SLC1A3: variants seen among roughly 807,000 people sequenced by gnomAD.
SLC1A3 encodes the protein solute carrier family 1 member 3.
Under a neutral mutation model 48.1 loss-of-function variants are expected in SLC1A3, and 21 were observed. The ratio of observed to expected loss-of-function variants is 0.44; its 90% CI spans 0.31 to 0.63. The LOEUF (loss-of-function observed/expected upper bound fraction) is 0.63. Ranked by LOEUF, SLC1A3 falls within the 20% of genes least tolerant of loss-of-function variation. The probability of loss-of-function intolerance (pLI) is 0.08; values close to 1 mark genes in which losing one functional copy is unlikely to be tolerated. For missense variants in SLC1A3, 546 were observed against 689.0 expected (o/e 0.79, Z 2.32); for synonymous variants, 239 against 251.4 (o/e 0.95, Z 0.47).
rs1422798593 is a variant in SLC1A3, at chr5:36,679,632, C to T, written c.866C>T (p.Ala289Val). ...MRLVAVIMWY[A>V]PVGILFLIAG... ...CTGGTGTTGCTTCTCCCCAGGTATG[C>T]CCCCGTGGGTATTCTCTTCCTGATT... The change falls in exon 7 of 10, where the codon GCC (alanine) becomes GTC (valine). Residue 289 changes from alanine (A) to valine (V), a missense_variant. Physicochemically the swap from Ala to Val is moderately conservative, Grantham distance 64. Transcript: ENST00000265113. 6.2e-7 allele frequency: 1 copy of T among 1,611,552 alleles called. No individual in the cohort carries two copies. Among genetic ancestry groups the T allele is most frequent in the Non-Finnish European group, 8.5e-7 (1 of 1,177,710 alleles).
rs1742684458 is a variant in SLC1A3, at chr5:36,687,177, TG to T, written c.*913del. 1.3e-5 allele frequency: 2 copies of T among 152,234 alleles called. No homozygotes were observed. Among genetic ancestry groups the T allele is most frequent in the South Asian group, 4.1e-4 (2 of 4,834 alleles). 9.4% of individuals were successfully genotyped at this position (152,234 alleles called of 1,614,324 possible). ...AAACTCTTTGCCCAGTTCATCCCAA[TG>T]GGGGAAGTATTCCCTTCTTTCCTAC... On this transcript the variant is annotated 3_prime_UTR_variant, in exon 10 of 10. Transcript: ENST00000265113.
At chr5:36,636,466 T>C (rs867870466) in intron 3 of SLC1A3, 2 of 31,136 alleles carry the variant, frequency 6.4e-5, no homozygotes, top group Admixed American at 2.9e-4. Context: ...TTCTTTCTTT[T>C]CTTTCTTTCT....
At chr5:36,613,144 C>A in intron 2 of SLC1A3, 2 of 255,508 alleles carry the variant, frequency 7.8e-6, no homozygotes, top group Non-Finnish European at 1.6e-5. Context: ...GGGATGCCAC[C>A]GAGGTGCATA....
In SLC1A3 at chr5:36,632,170, G is replaced by A. The variant is rs375419733; in HGVS notation, c.319+2583G>A. ...CCAACTACAGAATAATATGGCAAAA[G>A]GCAGGCAAAGAGACTATTGAGACAA... is the stretch of plus-strand genomic sequence containing the variant. On this transcript the variant is annotated intron_variant, in intron 3 of 9. Transcript: ENST00000265113. Among the ~76,000 whole-genome samples, 12 of 152,294 alleles carry A rather than the reference G, an allele frequency of 7.9e-5. No homozygotes were observed. In the East Asian group the frequency reaches 1.7e-3, roughly 22 times the overall value.
chr5:36,601,870 C>A (rs1010311603), upstream of SLC1A3, among the ~76,000 whole-genome samples: 4 of 152,006 alleles, frequency 2.6e-5, no homozygotes. Flanking sequence ...ACTGATGAAC[C>A]CTCTTGTGTT....
rs1741984003 is a variant in SLC1A3 at position 36,671,242 on chromosome 5, T to C, written c.524+9T>C. 1.2e-6 allele frequency: 2 copies of C among 1,605,220 alleles called. No homozygotes were observed. The highest frequency in any genetic ancestry group is 1.7e-6 in the Non-Finnish European group (2 of 1,172,364). ...TTCCTGGACTTGATCAGGTATGTCC[T>C]TGCAAGCCCGTCCTTTGGGGTGTAT... On this transcript the variant is annotated intron_variant, in intron 4 of 9. Coordinates refer to ENST00000265113, the MANE Select transcript of SLC1A3 (RefSeq NM_004172.5).
At chr5:36,610,754 G>A (rs1738420474) in intron 2 of SLC1A3, among the ~76,000 whole-genome samples, 1 of 152,198 alleles carries the variant, frequency 6.6e-6, no homozygotes, top group Non-Finnish European at 1.5e-5. Context: ...CACCCAGTGA[G>A]GGCTTTCCTA....
chr5:36,608,769 T>G, intron 2 of SLC1A3, 165 bp downstream of exon 2: 1 of 1,444,778 alleles, frequency 6.9e-7, no homozygotes, highest in Non-Finnish European at 9.0e-7. Context: ...TGTTTTGGCT[T>G]GTTTGGAGCA....
chr5:36,612,739 T>G (rs1739260124), intron 2 of SLC1A3: 2 of 455,186 alleles, frequency 4.4e-6, no homozygotes, highest in Non-Finnish European at 8.8e-6. Context: ...TTACTCTCAT[T>G]GTACAGATGA....
Position 36,612,069 on chromosome 5 carries a change from GCA to G in SLC1A3, c.181+3479_181+3480del, listed in dbSNP as rs528207853. 9.6e-4 allele frequency among the ~76,000 whole-genome samples: 137 copies of G among 143,200 alleles called. 1 individual carries two copies. The highest frequency in any genetic ancestry group is 3.3e-3 in the African/African-American group (127 of 38,858). The allele number at this position is 143,200 out of a possible 152,430, so 93.9% of individuals were successfully genotyped here. ...CTCTGATGTTGGTCTTGGCGCACGC[GCA>G]CACACACACACACGCACACACACAC... is the stretch of plus-strand genomic sequence containing the variant. On this transcript the variant is annotated intron_variant, in intron 2 of 9. Transcript: ENST00000265113.
chr5:36,642,229 G>A (rs1275014126), intron 3 of SLC1A3, among the ~76,000 whole-genome samples: 1 of 152,172 alleles, frequency 6.6e-6, no homozygotes, highest in African/African-American at 2.4e-5. Flanking sequence ...ATAACTTCCC[G>A]CTAAATAAAC....
At chr5:36,616,583 C>A (rs183979656) in intron 2 of SLC1A3, among the ~76,000 whole-genome samples, 2 of 152,330 alleles carry the variant, frequency 1.3e-5, no homozygotes, top group Admixed American at 1.3e-4. Flanking sequence ...ACTGCTGCTG[C>A]TTCACACAGA....
At chr5:36,607,892 A>G (rs909300171) in intron 1 of SLC1A3, among the ~76,000 whole-genome samples, 4 of 152,144 alleles carry the variant, frequency 2.6e-5, no homozygotes, top group Admixed American at 1.3e-4. Context: ...AATTATTTTT[A>G]TTGACCTGGT....
Position 36,680,423 on chromosome 5 carries a change from T to G in SLC1A3, c.1123T>G (p.Cys375Gly). The G allele has an allele frequency of 6.2e-7, 1 of 1,614,174 alleles. No individual in the cohort carries two copies. Among genetic ancestry groups the G allele is most frequent in the Non-Finnish European group, 8.5e-7 (1 of 1,180,012 alleles). The change falls in exon 8 of 10, where the codon TGC becomes GGC. Residue 375 changes from cysteine to glycine, a missense_variant. Physicochemically the swap from Cys to Gly is radical, Grantham distance 159. This residue lies in a region of SLC1A3 where 142 missense variants were observed against 238.0 expected (regional missense o/e 0.60). Transcript: ENST00000265113. ...SSATLPITFK[C>G]LEENNGVDKR... ...TGCCACCCTACCCATCACCTTCAAG[T>G]GCCTGGAAGAGAACAATGGCGTGGA...
chr5:36,668,527 C>T (rs182384425), intron 3 of SLC1A3: 1 of 152,312 alleles, frequency 6.6e-6, no homozygotes, highest in East Asian at 1.9e-4. Context: ...AGGGAAGGAC[C>T]TACATGGAGA....
In SLC1A3 at chr5:36,686,340, C is replaced by T. The variant is rs1345425643; in HGVS notation, c.*71C>T. 8.5e-6 allele frequency: 10 copies of T among 1,181,174 alleles called. No homozygotes were observed. Among genetic ancestry groups the T allele is most frequent in the Non-Finnish European group, 8.9e-6 (7 of 787,408 alleles). The allele number at this position is 1,181,174 out of a possible 1,614,324, so 73.2% of individuals were successfully genotyped here. On this transcript the variant is annotated 3_prime_UTR_variant, in exon 10 of 10. Coordinates refer to ENST00000265113, the MANE Select transcript of SLC1A3 (RefSeq NM_004172.5). The stretch of plus-strand genomic sequence containing the variant: ...ATTATAAAATCTTTCCATCTCATTA[C>T]AGCTCATTCGCTCCAGCAAGCCCGT...
intron 3 of SLC1A3, among the ~76,000 whole-genome samples, chr5:36,630,792 C>T (rs1279096192): frequency 6.6e-6 from 1 of 152,148 alleles, no homozygotes; most frequent in African/African-American, 2.4e-5. Flanking sequence ...TTCCACTTGT[C>T]CAGGGCCTTA....
Position 36,686,319 on chromosome 5 carries a change from T to A in SLC1A3, c.*50T>A. 7.1e-7 allele frequency: 1 copy of A among 1,408,810 alleles called. No individual in the cohort carries two copies. Among genetic ancestry groups the A allele is most frequent in the Non-Finnish European group, 1.0e-6 (1 of 992,996 alleles). The allele number at this position is 1,408,810 out of a possible 1,614,324, so 87.3% of individuals were successfully genotyped here. A position where few individuals can be genotyped will look rare whatever the true frequency, so the allele number is the denominator to read the frequency against. ...GAGCACCAGGTGTTAAAAACCATTA[T>A]AAAATCTTTCCATCTCATTACAGCT... On this transcript the variant is annotated 3_prime_UTR_variant, in exon 10 of 10. Coordinates refer to ENST00000265113, the MANE Select transcript of SLC1A3 (RefSeq NM_004172.5).
chr5:36,605,603 A>T (rs62354613), upstream of SLC1A3, among the ~76,000 whole-genome samples: 1,332 of 152,338 alleles, frequency 8.7e-3, 5 homozygotes, highest in Non-Finnish European at 0.014. Context: ...AAATTCAGTG[A>T]ACAAGAATCC....
Sources: gnomAD v4.1 joint callset for allele counts (sites outside exome capture counted in the v4.1 genomes callset) on GRCh38, gnomAD v4.1.1 for gene constraint, gnomAD v4.1.1 regional missense constraint, MANE v1.5 for transcripts, NCBI Gene and HGNC (gene_info 2026-07-23, HGNC 2026-07-21) for gene names.